Variants in SPAG5 observed in about 807,000 individuals in gnomAD.
SPAG5 encodes the protein sperm-associated antigen 5.
In SPAG5, 99 loss-of-function variants were observed where a neutral mutation model predicts 145.4. The observed-to-expected ratio is 0.68, with a 90% CI of 0.58 to 0.80. The LOEUF is 0.80. Ranked by LOEUF, SPAG5 falls within the 30% of genes least tolerant of loss-of-function variation. The pLI is 0.00. For synonymous variants in SPAG5, 477 were observed against 525.4 expected (o/e 0.91, Z 1.26); for missense variants, 1,192 against 1,416.0 (o/e 0.84, Z 2.54).
Position 28,592,833 on chromosome 17 carries a change from C to A in SPAG5, c.411G>T (p.Leu137=). The part of the protein sequence containing the change: ...VKTIVLVPSP[L]GQQQDMIFEA... ...CAAATATCATGTCTTGTTGCTGCCC[C>A]AGTGGAGATGGTACAAGGACGATGG... Residue 137 remains leucine, a synonymous_variant, in exon 3 of 24, where the codon CTG becomes CTT. Coordinates refer to ENST00000321765, the MANE Select transcript of SPAG5 (RefSeq NM_006461.4). 6.2e-7 allele frequency: 1 copy of A among 1,614,152 alleles called. No individual in the cohort carries two copies. The highest frequency in any genetic ancestry group is 1.3e-5 in the African/African-American group (1 of 75,044).
intron 15 of SPAG5, among the ~76,000 whole-genome samples, chr17:28,581,855 C>A (rs3132814): frequency 6.6e-6 from 1 of 152,300 alleles, no homozygotes; most frequent in Admixed American, 6.5e-5. Flanking sequence ...CCTCCTGCCA[C>A]ACAGGTTGAA....
In SPAG5 at chr17:28,584,165, C is replaced by T; in HGVS notation, c.2397G>A (p.Leu799=). ...QAVLAKEVRD[L]KETLEFADQE... Reference sequence around the variant, plus strand: ...TATTCCTTACCTCCAAGGTCTCTTTCAGGTCCCGCACCTCTTTGGCCAGGA... The same window carrying T: ...TATTCCTTACCTCCAAGGTCTCTTTTAGGTCCCGCACCTCTTTGGCCAGGA... The change falls in exon 13 of 24, where the codon CTG becomes CTA. Residue 799 remains leucine (L), a synonymous_variant. Transcript: ENST00000321765. 6.2e-7 allele frequency: 1 copy of T among 1,614,070 alleles called. No individual in the cohort carries two copies. Among genetic ancestry groups the T allele is most frequent in the Non-Finnish European group, 8.5e-7 (1 of 1,180,036 alleles).
intron 4 of SPAG5, among the ~76,000 whole-genome samples, chr17:28,587,248 T>TA (rs1555536335): frequency 0.13 from 13,473 of 101,052 alleles, 1,861 homozygotes; most frequent in African/African-American, 0.37. Context: ...ACCCCATCTC[T>TA]AAAAAAAAAA....
chr17:28,585,964 A>G lies in SPAG5; in HGVS notation c.1640T>C (p.Phe547Ser), dbSNP rs753583160. 1 of 1,614,250 alleles carries G rather than the reference A, an allele frequency of 6.2e-7. No homozygotes were observed. Among genetic ancestry groups the G allele is most frequent in the Admixed American group, 1.7e-5 (1 of 60,030 alleles). The change falls in exon 7 of 24, where the codon TTT becomes TCT. Residue 547 changes from phenylalanine to serine, a missense_variant. Physicochemically the swap from Phe to Ser is radical, Grantham distance 155 (BLOSUM62 -2). This residue lies in a region of SPAG5 where 709 missense variants were observed against 840.7 expected (regional missense o/e 0.84). Transcript: ENST00000321765. ...TGCCCTCAATTTCTTCAGCAAATCA[A>G]AACAGCAACAGACCAATGTTTCTGC... ...RRAETLVCCC[F>S]DLLKKLRAKL...
intron 17 of SPAG5, 67 bp from the exon 18 acceptor site, chr17:28,579,552 C>G: frequency 6.4e-7 from 1 of 1,555,054 alleles, no homozygotes. Flanking sequence ...GTATAGCCAT[C>G]ATTTCCACAA....
intron 2 of SPAG5, among the ~76,000 whole-genome samples, chr17:28,594,072 A>G (rs1227178515): frequency 6.6e-6 from 1 of 152,112 alleles, no homozygotes; most frequent in Non-Finnish European, 1.5e-5. Flanking sequence ...GTTAAATAAA[A>G]GAAATTCCAG....
At position 28,589,773 on chromosome 17, in the gene SPAG5, G is replaced by A. The variant is rs117974225; in HGVS notation, c.1437+1925C>T. On this transcript the variant is annotated intron_variant, in intron 4 of 23. Coordinates refer to ENST00000321765, the MANE Select transcript of SPAG5 (RefSeq NM_006461.4). Reference sequence around the variant, plus strand: ...AAAAATACAAAAAAATTAGGTAGGTGTGGTGGCATACACCTACAGTCCTAG... The same window carrying A: ...AAAAATACAAAAAAATTAGGTAGGTATGGTGGCATACACCTACAGTCCTAG... Among the ~76,000 whole-genome samples the A allele has an allele frequency of 8.1e-3, 1,238 of 152,206 alleles. 6 individuals carry two copies. Among genetic ancestry groups the A allele is most frequent in the Admixed American group, 0.012 (185 of 15,286 alleles).
At chr17:28,584,585 C>T (rs1461105390) in intron 11 of SPAG5, 67 bp downstream of exon 11, 1 of 1,600,664 alleles carries the variant, frequency 6.2e-7, no homozygotes, top group Non-Finnish European at 8.6e-7. Flanking sequence ...GCTCTAGTGC[C>T]ACACTCCAAG....
chr17:28,598,316 G>GGAGGTA, intron 2 of SPAG5, 194 bp downstream of exon 2: 1 of 567,418 alleles, frequency 1.8e-6, no homozygotes, highest in Non-Finnish European at 3.0e-6. Context: ...GCTAAACAGA[G>GGAGGTA]ATTCAAGTTC....
chr17:28,591,563 C>T, intron 4 of SPAG5, 135 bp downstream of exon 4: 1 of 854,264 alleles, frequency 1.2e-6, no homozygotes, highest in South Asian at 1.8e-5. Context: ...TTGTGACTGC[C>T]CAGATTCTCA....
At chr17:28,595,097 A>G (rs1199621570) in intron 2 of SPAG5, among the ~76,000 whole-genome samples, 1 of 151,958 alleles carries the variant, frequency 6.6e-6, no homozygotes, top group East Asian at 1.9e-4. Flanking sequence ...ATCTCTACTC[A>G]AAATACAAAA....
intron 14 of SPAG5, 37 bp downstream of exon 14, chr17:28,583,816 G>T (rs1172675848): frequency 6.3e-7 from 1 of 1,583,860 alleles, no homozygotes; most frequent in South Asian, 1.1e-5. Flanking sequence ...AAAAAAATAA[G>T]CACTTAGGGG....
At chr17:28,591,186 C>T (rs2070618916) in intron 4 of SPAG5, among the ~76,000 whole-genome samples, 1 of 152,018 alleles carries the variant, frequency 6.6e-6, no homozygotes, top group African/African-American at 2.4e-5. Context: ...ATCTAAAAAC[C>T]AATTCCTTTA....
At chr17:28,590,080 T>C (rs2070610363) in intron 4 of SPAG5, among the ~76,000 whole-genome samples, 1 of 152,230 alleles carries the variant, frequency 6.6e-6, no homozygotes, top group Non-Finnish European at 1.5e-5. Context: ...TATTAGTCAC[T>C]GTAATATAAT....
intron 3 of SPAG5, 55 bp from the exon 4 acceptor site, chr17:28,591,927 G>A: frequency 6.2e-7 from 1 of 1,609,540 alleles, no homozygotes; most frequent in Non-Finnish European, 8.5e-7. Flanking sequence ...AGGGATGGGA[G>A]GGGAAGGTCC....
chr17:28,583,805 G>GA (rs2151520259), intron 14 of SPAG5, 48 bp downstream of exon 14: 6 of 1,578,802 alleles, frequency 3.8e-6, no homozygotes, highest in East Asian at 2.3e-5. Context: ...GTGTTCCTGA[G>GA]AAAAAAATAA....
At position 28,592,981 on chromosome 17, in the gene SPAG5, T is replaced by C; in HGVS notation, c.263A>G (p.Lys88Arg). 6.2e-7 allele frequency: 1 copy of C among 1,614,194 alleles called. No individual in the cohort carries two copies. The highest frequency in any genetic ancestry group is 8.5e-7 in the Non-Finnish European group (1 of 1,180,030). The change falls in exon 3 of 24, where the codon AAG (lysine) becomes AGG (arginine). Residue 88 changes from lysine (K) to arginine (R), a missense_variant. Physicochemically the swap from Lys to Arg is conservative, Grantham distance 26 (BLOSUM62 2). Coordinates refer to ENST00000321765, the MANE Select transcript of SPAG5 (RefSeq NM_006461.4). ...TTCATGCTGACAAGTTTCTAGCCAC[T>C]TTGAGGAATGACTGAAATGTTCTGA... ...LSSEHFSHSS[K>R]WLETCQHESD...
In SPAG5 at chr17:28,591,980, AC is replaced by A; in HGVS notation, c.1262+1del. On this transcript the variant is annotated splice_donor_variant, in intron 3 of 23. Transcript: ENST00000321765. LOFTEE classifies it high-confidence loss of function. ...GAGGTGCAAGGACATAGGGGCGCTT[AC>A]CCACACAGGAGCTGCTCTGTCTCAG... is the stretch of plus-strand genomic sequence containing the variant. 1 of 1,613,502 alleles carries A rather than the reference AC, an allele frequency of 6.2e-7. No individual in the cohort carries two copies. The highest frequency in any genetic ancestry group is 8.5e-7 in the Non-Finnish European group (1 of 1,179,522).
At position 28,583,991 on chromosome 17, in the gene SPAG5, G is replaced by C. The variant is rs757583508; in HGVS notation, c.2413-5C>G. ...CTGATTCTCCTGGTCTGCAAACTGG[G>C]AAGACAAGAGAAGGAGCAAGACAGG... On this transcript the variant is annotated splice_region_variant and splice_polypyrimidine_tract_variant and intron_variant, in intron 13 of 23. Coordinates refer to ENST00000321765, the MANE Select transcript of SPAG5 (RefSeq NM_006461.4). 9 of 1,614,000 alleles carry C rather than the reference G, an allele frequency of 5.6e-6. No individual in the cohort carries two copies.
Sources: allele counts gnomAD v4.1 joint callset (sites outside exome capture counted in the v4.1 genomes callset), GRCh38; gene constraint gnomAD v4.1.1; regional missense constraint gnomAD v4.1.1; transcripts MANE v1.5; gene names NCBI Gene and HGNC (gene_info 2026-07-23, HGNC 2026-07-21).